The following BANP variants were observed in gnomAD, a reference collection of about 807,000 sequenced individuals.
BANP encodes the protein protein BANP.
A neutral mutation model predicts 68.1 loss-of-function variants in BANP; 11 were observed. The observed-to-expected ratio is 0.16, with a 90% CI of 0.10 to 0.27. The LOEUF (loss-of-function observed/expected upper bound fraction) is 0.27, where lower values mean the gene tolerates loss of function less well. Among genes scored for constraint, BANP ranks in the 10% least tolerant of loss-of-function variants. The pLI, the probability that BANP is intolerant of heterozygous loss-of-function variation, is 1.00. For missense variants in BANP, 504 were observed against 722.7 expected (o/e 0.70, Z 3.47); for synonymous variants, 329 against 303.2 (o/e 1.09, Z -0.88).
intron 11 of BANP, 91 bp downstream of exon 11, chr16:88,038,102 C>T (rs2079833433): frequency 1.5e-6 from 2 of 1,371,660 alleles, no homozygotes; most frequent in Non-Finnish European, 1.0e-6. Flanking sequence ...AGGTGAGTGC[C>T]CTGGTCCCCA....
chr16:88,069,804 A>G (rs561638952), intron 12 of BANP, among the ~76,000 whole-genome samples: 1 of 152,358 alleles, frequency 6.6e-6, no homozygotes, highest in South Asian at 2.1e-4. Flanking sequence ...TTGACCCTTG[A>G]ACAACACAGG....
chr16:88,005,333 C>T (rs1486354111), intron 5 of BANP, among the ~76,000 whole-genome samples: 1 of 152,198 alleles, frequency 6.6e-6, no homozygotes, highest in Non-Finnish European at 1.5e-5. Flanking sequence ...GCAGCGCCCT[C>T]CTCTGGGTGC....
intron 1 of BANP, chr16:87,966,752 G>C (rs184308199): frequency 6.6e-6 from 1 of 152,368 alleles, no homozygotes; most frequent in African/African-American, 2.4e-5. Context: ...GGACTCTCTG[G>C]ACCCGGGGCT....
intron 4 of BANP, among the ~76,000 whole-genome samples, chr16:87,989,170 G>A (rs1293837578): frequency 2.0e-5 from 3 of 152,192 alleles, no homozygotes; most frequent in African/African-American, 7.2e-5. Context: ...AAAAATGCGA[G>A]TCACCTGGAT....
chr16:88,016,328 C>T (rs911683655), intron 6 of BANP, among the ~76,000 whole-genome samples: 4 of 152,216 alleles, frequency 2.6e-5, no homozygotes, highest in Non-Finnish European at 4.4e-5. Context: ...GTTTCCCCTG[C>T]AGATTCCCAT....
chr16:88,074,251 A>T (rs1409990344), intron 13 of BANP, among the ~76,000 whole-genome samples: 3 of 152,198 alleles, frequency 2.0e-5, no homozygotes, highest in Non-Finnish European at 2.9e-5. Context: ...TGCATCTTGC[A>T]TGGGTCAGAG....
chr16:88,069,674 C>T lies in BANP; in HGVS notation c.1378-2395C>T, dbSNP rs190698982. Among the ~76,000 whole-genome samples, 428 of 152,324 alleles carry T rather than the reference C, an allele frequency of 2.8e-3. 10 individuals are homozygous for T. The highest frequency in any genetic ancestry group is 0.027 in the Admixed American group (409 of 15,306). ...GTTCCTCATCTGTAAATGGCACCTG[C>T]ACCCCAGGGCCAGCAGCCCCTTTGT... On this transcript the variant is annotated intron_variant, in intron 12 of 13. Transcript: ENST00000682872.
rs2058393908 is a variant in BANP, at chr16:87,957,832, G to A, written c.-69+6317G>A. 6.6e-6 allele frequency among the ~76,000 whole-genome samples: 1 copy of A among 152,138 alleles called. No individual in the cohort carries two copies. Among genetic ancestry groups the A allele is most frequent in the Admixed American group, 6.5e-5 (1 of 15,268 alleles). On this transcript the variant is annotated intron_variant, in intron 1 of 13. Coordinates refer to ENST00000682872, the MANE Select transcript of BANP (RefSeq NM_001386991.1). This position sits in a 1 kb window ranked among gnomAD's most constrained non-coding sequence, Gnocchi z 4.3. ...GGGCCACGGTCCCTGCTGTCATCAT[G>A]GCATGCTGCAAGCTCTGTGGGCGCT...
intron 10 of BANP, chr16:88,037,319 A>T (rs143200207): frequency 1.4e-4 from 22 of 152,398 alleles, no homozygotes; most frequent in African/African-American, 5.3e-4. Flanking sequence ...TGAATGCAGT[A>T]AGTTAGAAAT....
intron 4 of BANP, among the ~76,000 whole-genome samples, chr16:87,989,343 TG>T (rs1183548437): frequency 6.6e-6 from 1 of 152,248 alleles, no homozygotes; most frequent in African/African-American, 2.4e-5. Flanking sequence ...TAAAGATGTT[TG>T]GGCCTGTCCT....
intron 9 of BANP, chr16:88,035,008 G>C: frequency 3.4e-6 from 1 of 294,606 alleles, no homozygotes; most frequent in Non-Finnish European, 6.5e-6. Context: ...CCTTTGTCCA[G>C]CATGTCCAAG....
At chr16:88,067,045 T>C (rs1326158415) in intron 12 of BANP, among the ~76,000 whole-genome samples, 3 of 152,154 alleles carry the variant, frequency 2.0e-5, no homozygotes, top group Non-Finnish European at 2.9e-5. Flanking sequence ...AACCCAGTTA[T>C]AGGAATGCAC....
chr16:88,027,479 C>G lies in BANP; in HGVS notation c.896-4C>G. On this transcript the variant is annotated splice_region_variant and splice_polypyrimidine_tract_variant and intron_variant, in intron 7 of 13. Transcript: ENST00000682872. ...ACCGCTTCTCCTTGGATGTGTCCTTCCAGGTCACCTTTTCTATAAATTTGG... is the reference window on the plus strand; with the variant it reads ...ACCGCTTCTCCTTGGATGTGTCCTTGCAGGTCACCTTTTCTATAAATTTGG... 2.5e-6 allele frequency: 4 copies of G among 1,613,336 alleles called. No individual in the cohort carries two copies. The highest frequency in any genetic ancestry group is 3.4e-6 in the Non-Finnish European group (4 of 1,179,820).
chr16:88,021,952 C>CTT (rs1350889436), intron 7 of BANP, among the ~76,000 whole-genome samples: 1 of 152,106 alleles, frequency 6.6e-6, no homozygotes, highest in Non-Finnish European at 1.5e-5. Flanking sequence ...GGTAAAGTCT[C>CTT]TAAGTACCAC....
At chr16:88,026,962 G>A (rs140621751) in intron 7 of BANP, among the ~76,000 whole-genome samples, 2,749 of 152,358 alleles carry the variant, frequency 0.018, 74 homozygotes, top group African/African-American at 0.059. Context: ...CAGGAGGGCG[G>A]GAGGGCCAGG....
intron 8 of BANP, among the ~76,000 whole-genome samples, chr16:88,032,511 A>G (rs1477185746): frequency 6.6e-6 from 1 of 152,186 alleles, no homozygotes; most frequent in African/African-American, 2.4e-5. Context: ...CTACATTTTT[A>G]TGCTTAAAAG....
intron 1 of BANP, among the ~76,000 whole-genome samples, chr16:87,953,351 C>A (rs376463590): frequency 1.2e-4 from 18 of 152,274 alleles, no homozygotes; most frequent in East Asian, 7.7e-4. Flanking sequence ...TTAGGTCATT[C>A]TCCACAGCTC....
upstream of BANP, chr16:87,950,901 T>A (rs1389019945): frequency 6.6e-6 from 1 of 152,150 alleles, no homozygotes; most frequent in African/African-American, 2.4e-5. Context: ...CTCCGGAACC[T>A]CAGGGCAGGA....
chr16:88,033,370 C>G, intron 9 of BANP, 125 bp downstream of exon 9: 9 of 1,016,234 alleles, frequency 8.9e-6, no homozygotes, highest in Non-Finnish European at 1.2e-5. Context: ...GGAGGAGGCA[C>G]AAGGTCCCCA....
Sources: allele counts gnomAD v4.1 joint callset (sites outside exome capture counted in the v4.1 genomes callset), GRCh38; gene constraint gnomAD v4.1.1; non-coding constraint Gnocchi (gnomAD v3.1); transcripts MANE v1.5; gene names NCBI Gene and HGNC (gene_info 2026-07-23, HGNC 2026-07-21).